Variants in RLN2 observed in about 807,000 individuals in gnomAD.
RLN2 encodes the protein relaxin 2, also known as prorelaxin H2.
RLN2 carries 10 observed loss-of-function variants against 7.3 expected under a neutral mutation model. That is an observed-to-expected ratio of 1.36 (90% CI 0.84 to 2.31). The LOEUF (loss-of-function observed/expected upper bound fraction) is 2.31, where lower values mean the gene tolerates loss of function less well. RLN2 is among the 30% of genes most tolerant of loss of function. The probability of loss-of-function intolerance (pLI) is 0.00; values close to 1 mark genes in which losing one functional copy is unlikely to be tolerated. For synonymous variants in RLN2, 103 were observed against 82.3 expected, an observed-to-expected ratio of 1.25 and a Z score of -1.36; for missense variants, 298 against 217.6, an observed-to-expected ratio of 1.37 and a Z score of -2.32.
chr9:5,324,152 G>C, the RLN2 span, among the ~76,000 whole-genome samples: 1 of 151,924 alleles, frequency 6.6e-6, no homozygotes, highest in Admixed American at 6.6e-5. Flanking sequence ...AATATTTGTG[G>C]GTAGATTAGC....
At chr9:5,307,275 A>AGAG (rs1490697062), upstream of RLN2, among the ~76,000 whole-genome samples, 5,238 of 41,980 alleles carry the variant, frequency 0.12, 167 homozygotes, top group South Asian at 0.28. Context: ...GATAGAGGAT[A>AGAG]GATAGATAGA....
chr9:5,323,308 T>C, the RLN2 span, among the ~76,000 whole-genome samples: 1 of 151,962 alleles, frequency 6.6e-6, no homozygotes, highest in East Asian at 1.9e-4. Context: ...CTGTCTAATA[T>C]CAATTTAATT....
chr9:5,317,430 C>A, the RLN2 span, among the ~76,000 whole-genome samples: 4 of 147,844 alleles, frequency 2.7e-5, no homozygotes, highest in East Asian at 2.0e-4. Flanking sequence ...CCAGCCTGGG[C>A]AACAGAGTGA....
At chr9:5,312,409 T>C in the RLN2 span, among the ~76,000 whole-genome samples, 1 of 152,088 alleles carries the variant, frequency 6.6e-6, no homozygotes, top group Non-Finnish European at 1.5e-5. Context: ...GTTCCGTTTC[T>C]AGATTGTGGA....
the RLN2 span, among the ~76,000 whole-genome samples, chr9:5,328,278 T>A: frequency 6.6e-6 from 1 of 151,968 alleles, no homozygotes; most frequent in South Asian, 2.1e-4. Context: ...CAAGCTTCAA[T>A]TGCTGATTCG....
At chr9:5,332,565 T>C in the RLN2 span, among the ~76,000 whole-genome samples, 57 of 151,900 alleles carry the variant, frequency 3.8e-4, no homozygotes, top group Admixed American at 1.2e-3. Context: ...GAACAATTTA[T>C]TTCACCAATA....
chr9:5,306,119 T>G (rs1039555366), upstream of RLN2, among the ~76,000 whole-genome samples: 56 of 150,540 alleles, frequency 3.7e-4, 1 homozygote, highest in Non-Finnish European at 6.8e-4. Context: ...GTTTTTTTTT[T>G]TTTTTTTTAA....
the RLN2 span, among the ~76,000 whole-genome samples, chr9:5,315,832 T>C: frequency 1.3e-5 from 2 of 152,130 alleles, 1 homozygote; most frequent in Admixed American, 1.3e-4. Flanking sequence ...CAGGTGAGAA[T>C]ACTATACTCA....
chr9:5,324,244 T>C, the RLN2 span, among the ~76,000 whole-genome samples: 12 of 151,942 alleles, frequency 7.9e-5, no homozygotes, highest in East Asian at 3.9e-4. Context: ...AAAAAGAAAA[T>C]ATATAATCAC....
the RLN2 span, among the ~76,000 whole-genome samples, chr9:5,313,325 C>G: frequency 6.6e-6 from 1 of 151,492 alleles, no homozygotes; most frequent in African/African-American, 2.4e-5. Flanking sequence ...TATATAATGA[C>G]CTTCTTTATC....
At chr9:5,310,232 G>T in the RLN2 span, among the ~76,000 whole-genome samples, 2 of 151,936 alleles carry the variant, frequency 1.3e-5, no homozygotes, top group Non-Finnish European at 2.9e-5. Flanking sequence ...ATTTAGTTCT[G>T]GTCTTTAGGT....
the RLN2 span, among the ~76,000 whole-genome samples, chr9:5,318,519 A>G: frequency 6.6e-6 from 1 of 151,992 alleles, no homozygotes; most frequent in African/African-American, 2.4e-5. Context: ...TTGTTACTAT[A>G]CCTTTCAAAG....
the RLN2 span, among the ~76,000 whole-genome samples, chr9:5,321,367 T>G: frequency 6.6e-6 from 1 of 152,006 alleles, no homozygotes; most frequent in Non-Finnish European, 1.5e-5. Context: ...ACGTTTTTAT[T>G]CAAATACTTC....
At chr9:5,305,877 A>G (rs1327450046), upstream of RLN2, among the ~76,000 whole-genome samples, 1 of 152,010 alleles carries the variant, frequency 6.6e-6, no homozygotes, top group Non-Finnish European at 1.5e-5. Context: ...GCAATGTGTA[A>G]TTCTTCAAAA....
the RLN2 span, among the ~76,000 whole-genome samples, chr9:5,334,443 T>C: frequency 2.0e-5 from 3 of 152,032 alleles, no homozygotes; most frequent in African/African-American, 2.4e-5. Context: ...ACCAGTAAAA[T>C]AGCAAGTTGA....
At chr9:5,312,198 A>G in the RLN2 span, among the ~76,000 whole-genome samples, 1 of 151,956 alleles carries the variant, frequency 6.6e-6, no homozygotes, top group East Asian at 1.9e-4. Flanking sequence ...ACACATGGCC[A>G]CCTTGGCACA....
chr9:5,336,803 A>G, the RLN2 span, among the ~76,000 whole-genome samples: 1 of 151,938 alleles, frequency 6.6e-6, no homozygotes, highest in Non-Finnish European at 1.5e-5. Flanking sequence ...GAGAGGAGTA[A>G]ATCTAAGTGC....
the RLN2 span, among the ~76,000 whole-genome samples, chr9:5,331,808 A>G: frequency 6.6e-6 from 1 of 152,056 alleles, no homozygotes; most frequent in Non-Finnish European, 1.5e-5. Flanking sequence ...CTAGAACTTA[A>G]AGTATAATAA....
the RLN2 span, among the ~76,000 whole-genome samples, chr9:5,333,156 A>G: frequency 6.6e-6 from 1 of 152,028 alleles, no homozygotes; most frequent in Admixed American, 6.6e-5. Context: ...ACTTCTTATT[A>G]ATGGTCACAG....
Sources: allele counts gnomAD v4.1 joint callset (sites outside exome capture counted in the v4.1 genomes callset), GRCh38; gene constraint gnomAD v4.1.1; transcripts MANE v1.5; gene names NCBI Gene and HGNC (gene_info 2026-07-23, HGNC 2026-07-21).